Variants in OXR1 observed in about 807,000 individuals in gnomAD.
The protein encoded by OXR1 is oxidation resistance 1.
OXR1 carries 41 observed loss-of-function variants against 104.6 expected under a neutral mutation model. The observed-to-expected ratio is 0.39, with a 90% confidence interval of 0.31 to 0.51. The LOEUF is 0.51. OXR1 is among the 20% of genes least tolerant of loss of function. The pLI is 0.77. For synonymous variants in OXR1, 348 were observed against 348.4 expected (o/e 1.00, Z 0.01); for missense variants, 955 against 1,031.9 (o/e 0.93, Z 1.02).
chr8:106,691,990 C>T (rs1029578616), intron 6 of OXR1, among the ~76,000 whole-genome samples: 7 of 148,672 alleles, frequency 4.7e-5, no homozygotes, highest in East Asian at 2.0e-4. Context: ...TATATATACA[C>T]ACACACACAC....
intron 10 of OXR1, among the ~76,000 whole-genome samples, chr8:106,713,571 C>T (rs1831929504): frequency 6.6e-6 from 1 of 151,894 alleles, no homozygotes; most frequent in Non-Finnish European, 1.5e-5. Flanking sequence ...TAATATACAA[C>T]ATCTGAACTA....
intron 1 of OXR1, among the ~76,000 whole-genome samples, chr8:106,344,368 C>T (rs768860178): frequency 1.3e-5 from 2 of 152,274 alleles, no homozygotes; most frequent in Non-Finnish European, 1.5e-5. Context: ...GACGGTGTCT[C>T]GCTCTGTCAC....
chr8:106,356,606 C>G (rs1815984108), intron 1 of OXR1, among the ~76,000 whole-genome samples: 1 of 151,780 alleles, frequency 6.6e-6, no homozygotes, highest in Non-Finnish European at 1.5e-5. Flanking sequence ...TTTACACTTT[C>G]TTATTTCAAA....
At chr8:106,569,541 ACAACTTTC>A (rs1378977616) in intron 3 of OXR1, among the ~76,000 whole-genome samples, 4 of 152,212 alleles carry the variant, frequency 2.6e-5, no homozygotes, top group African/African-American at 9.6e-5. Context: ...CCAGCCCACG[ACAACTTTC>A]CAAACCCTTT....
At chr8:106,437,359 A>G (rs1819620623) in intron 2 of OXR1, among the ~76,000 whole-genome samples, 1 of 152,168 alleles carries the variant, frequency 6.6e-6, no homozygotes. Flanking sequence ...TGCGTTAAGT[A>G]AAATGTCCCT....
At chr8:106,612,048 TTTTC>T (rs1222181651) in intron 3 of OXR1, among the ~76,000 whole-genome samples, 2 of 152,182 alleles carry the variant, frequency 1.3e-5, no homozygotes, top group African/African-American at 4.8e-5. Context: ...TAGCTTTGCA[TTTTC>T]TTTTCTTGTT....
chr8:106,679,387 A>G (rs1827924140), intron 4 of OXR1, 95 bp downstream of exon 4: 1 of 517,354 alleles, frequency 1.9e-6, no homozygotes, highest in Admixed American at 3.5e-5. Flanking sequence ...AGCATTGTTA[A>G]TTGCCTTATT....
At chr8:106,343,394 T>C (rs1460527090) in intron 1 of OXR1, among the ~76,000 whole-genome samples, 1 of 152,248 alleles carries the variant, frequency 6.6e-6, no homozygotes, top group Non-Finnish European at 1.5e-5. Context: ...AGAATGGATC[T>C]AGGTTGAATG....
At chr8:106,585,457 A>G (rs1011987706) in intron 3 of OXR1, among the ~76,000 whole-genome samples, 10 of 152,146 alleles carry the variant, frequency 6.6e-5, no homozygotes, top group African/African-American at 2.4e-4. Context: ...TCTCTTTTCT[A>G]CCTGATTGAA....
intron 3 of OXR1, among the ~76,000 whole-genome samples, chr8:106,591,651 G>T (rs1470180574): frequency 6.6e-6 from 1 of 152,090 alleles, no homozygotes; most frequent in Non-Finnish European, 1.5e-5. Flanking sequence ...ACATAACACA[G>T]CTGGGAATCA....
chr8:106,737,577 C>A lies in OXR1; in HGVS notation c.2014C>A (p.Arg672Ser). Residue 672 changes from arginine (R) to serine (S), a missense_variant, in exon 12 of 17, where the codon CGC (arginine) becomes AGC (serine). Transcript: ENST00000517566. ...RIDALNTEEL[R>S]TLCRRLQITT... Reference sequence around the variant, plus strand: ...CGATGCTCTAAATACTGAAGAACTGCGCACACTCTGCAGACGCCTCCAGGT... The same window carrying A: ...CGATGCTCTAAATACTGAAGAACTGAGCACACTCTGCAGACGCCTCCAGGT... 7.0e-7 allele frequency: 1 copy of A among 1,426,472 alleles called. No individual in the cohort carries two copies. Among genetic ancestry groups the A allele is most frequent in the Middle Eastern group, 1.8e-4 (1 of 5,552 alleles). The allele number at this position is 1,426,472 out of a possible 1,614,324, so 88.4% of individuals were successfully genotyped here. A position where few individuals can be genotyped will look rare whatever the true frequency, so the allele number is the denominator to read the frequency against.
At chr8:106,340,594 A>T (rs2130264922) in intron 1 of OXR1, among the ~76,000 whole-genome samples, 1 of 152,252 alleles carries the variant, frequency 6.6e-6, no homozygotes, top group East Asian at 1.9e-4. Flanking sequence ...AATATTATAT[A>T]TCCCTGTTAT....
intron 2 of OXR1, among the ~76,000 whole-genome samples, chr8:106,508,512 G>A (rs1390483253): frequency 6.6e-6 from 1 of 152,118 alleles, no homozygotes; most frequent in Non-Finnish European, 1.5e-5. Context: ...GCCCTGTCTA[G>A]GGTAGCTAAT....
chr8:106,342,956 G>T (rs1815317157), intron 1 of OXR1, among the ~76,000 whole-genome samples: 1 of 152,138 alleles, frequency 6.6e-6, no homozygotes, highest in South Asian at 2.1e-4. Flanking sequence ...AAACTAGACA[G>T]CTTCCCTTGC....
At chr8:106,692,409 T>G (rs1041168220) in intron 6 of OXR1, among the ~76,000 whole-genome samples, 55 of 152,044 alleles carry the variant, frequency 3.6e-4, no homozygotes, top group African/African-American at 1.3e-3. Flanking sequence ...GTGTATGTGT[T>G]GGGTGTGGGT....
At chr8:106,670,395 C>T (rs28921388) in intron 3 of OXR1, among the ~76,000 whole-genome samples, 4,919 of 152,114 alleles carry the variant, frequency 0.032, 273 homozygotes, top group African/African-American at 0.11. Context: ...TTTTGTCAGA[C>T]GATTTTGCAA....
chr8:106,727,984 A>T (rs1373981901), intron 11 of OXR1, among the ~76,000 whole-genome samples: 1 of 152,108 alleles, frequency 6.6e-6, no homozygotes, highest in Non-Finnish European at 1.5e-5. Context: ...CACCAGGATG[A>T]CTTTGAAGTT....
chr8:106,431,972 C>CTAT (rs780826515), intron 2 of OXR1, among the ~76,000 whole-genome samples: 2 of 152,060 alleles, frequency 1.3e-5, no homozygotes, highest in Non-Finnish European at 2.9e-5. Flanking sequence ...GTATATTTTT[C>CTAT]TATTTCCCTC....
chr8:106,724,470 G>A (rs1021854912), intron 11 of OXR1, among the ~76,000 whole-genome samples: 3 of 152,138 alleles, frequency 2.0e-5, no homozygotes, highest in East Asian at 1.9e-4. Context: ...GGATGACTTC[G>A]AGAAACAGAA....
Sources: gnomAD v4.1 joint callset for allele counts (sites outside exome capture counted in the v4.1 genomes callset) on GRCh38, gnomAD v4.1.1 for gene constraint, MANE v1.5 for transcripts, NCBI Gene and HGNC (gene_info 2026-07-23, HGNC 2026-07-21) for gene names.